Variants in CDO1 observed in about 807,000 individuals in gnomAD.
CDO1 encodes the protein cysteine dioxygenase type 1.
A neutral mutation model predicts 24.5 loss-of-function variants in CDO1; 19 were observed. The ratio of observed to expected loss-of-function variants is 0.77; its 90% CI spans 0.54 to 1.14. CDO1 has a LOEUF of 1.14. CDO1 is among the 50% of genes most tolerant of loss of function. CDO1 has a pLI of 0.00. For missense variants in CDO1, 244 were observed against 244.8 expected (o/e 1.00, Z 0.02); for synonymous variants, 91 against 87.0 (o/e 1.05, Z -0.26).
intron 1 of CDO1, chr5:115,813,774 C>A (rs1263858560): frequency 6.5e-6 from 1 of 153,534 alleles, no homozygotes; most frequent in Non-Finnish European, 1.4e-5. Flanking sequence ...TCCACAAATA[C>A]CGTGGGGGCT....
rs149802065 is a variant in CDO1 at position 115,816,546 on chromosome 5, A to G, written c.-149T>C. 1.1e-3 allele frequency: 895 copies of G among 833,114 alleles called. No individual in the cohort carries two copies. Among genetic ancestry groups the G allele is most frequent in the Middle Eastern group, 2.5e-3 (7 of 2,746 alleles). The allele number at this position is 833,114 out of a possible 1,614,324, so 51.6% of individuals were successfully genotyped here. A position where few individuals can be genotyped will look rare whatever the true frequency, so the allele number is the denominator to read the frequency against. Reference sequence around the variant, plus strand: ...ACAAACCCAGCATTAGAGTGCCGAAACGTAAGGATGTCGTCGCAGAGACAG... The same window carrying G: ...ACAAACCCAGCATTAGAGTGCCGAAGCGTAAGGATGTCGTCGCAGAGACAG... On this transcript the variant is annotated 5_prime_UTR_variant, in exon 1 of 5. Coordinates refer to ENST00000250535, the MANE Select transcript of CDO1 (RefSeq NM_001801.3).
rs1410742674 is a variant in CDO1 at position 115,813,256 on chromosome 5, T to C, written c.173A>G (p.Tyr58Cys). 4 of 1,557,898 alleles carry C rather than the reference T, an allele frequency of 2.6e-6. No individual in the cohort carries two copies. The highest frequency in any genetic ancestry group is 3.5e-6 in the Non-Finnish European group (4 of 1,130,490). The change falls in exon 2 of 5, where the codon TAT becomes TGT. Residue 58 changes from tyrosine (Y) to cysteine (C), a missense_variant and splice_region_variant. Coordinates refer to ENST00000250535, the MANE Select transcript of CDO1 (RefSeq NM_001801.3). Reference protein sequence around the residue: ...AMYAKFDQYRYTRNLVDQGNG... With the variant: ...AMYAKFDQYRCTRNLVDQGNG... The stretch of plus-strand genomic sequence containing the variant: ...TCCTTGATCCACAAGATTTCGGGTA[T>C]ACCTAAAAAAAAACAATATATTCAG...
At chr5:115,816,105 G>A in intron 1 of CDO1, 123 bp downstream of exon 1, 2 of 967,576 alleles carry the variant, frequency 2.1e-6, no homozygotes, top group Non-Finnish European at 3.0e-6. Context: ...GAGGGGGCGA[G>A]CGGCGGACGC....
chr5:115,806,533 G>A lies in CDO1; in HGVS notation c.404-15C>T. On this transcript the variant is annotated splice_polypyrimidine_tract_variant and intron_variant, in intron 3 of 4. Transcript: ENST00000250535. ...GCCAATGGAATCTAAACAATATCCGGGAAGGAAAAATAGATAAAGGAGCCT... is the reference window on the plus strand; with the variant it reads ...GCCAATGGAATCTAAACAATATCCGAGAAGGAAAAATAGATAAAGGAGCCT... 1 of 1,594,002 alleles carries A rather than the reference G, an allele frequency of 6.3e-7. No individual in the cohort carries two copies. Among genetic ancestry groups the A allele is most frequent in the Admixed American group, 1.8e-5 (1 of 54,804 alleles).
intron 2 of CDO1, among the ~76,000 whole-genome samples, chr5:115,811,994 G>A (rs1760208347): frequency 6.6e-6 from 1 of 152,168 alleles, no homozygotes; most frequent in Admixed American, 6.5e-5. Context: ...TAGTATTTAA[G>A]TATATGAAGC....
Position 115,816,593 on chromosome 5 carries a change from C to T in CDO1, c.-196G>A, listed in dbSNP as rs1354555792. ...ACAGCAAGAGACCCACCCCCAGGCC[C>T]CTGGCAGCGCAGTGGATCCGGGATC... On this transcript the variant is annotated 5_prime_UTR_variant, in exon 1 of 5. Coordinates refer to ENST00000250535, the MANE Select transcript of CDO1 (RefSeq NM_001801.3). The T allele has an allele frequency of 1.7e-6, 1 of 603,602 alleles. No homozygotes were observed. The highest frequency in any genetic ancestry group is 2.9e-5 in the East Asian group (1 of 35,048). 37.4% of individuals were successfully genotyped at this position (603,602 alleles called of 1,614,324 possible). A position where few individuals can be genotyped will look rare whatever the true frequency, so the allele number is the denominator to read the frequency against.
chr5:115,814,474 G>C (rs1358500631), intron 1 of CDO1: 1 of 152,160 alleles, frequency 6.6e-6, no homozygotes, highest in Non-Finnish European at 1.5e-5. Context: ...ATCCTTCACA[G>C]CGCTAGGCAC....
chr5:115,814,970 C>T (rs1487989308), intron 1 of CDO1, among the ~76,000 whole-genome samples: 1 of 152,154 alleles, frequency 6.6e-6, no homozygotes, highest in Non-Finnish European at 1.5e-5. Context: ...CAGAAGGGCT[C>T]TACCATGAAC....
At chr5:115,810,720 G>A (rs915934762) in intron 3 of CDO1, among the ~76,000 whole-genome samples, 3 of 152,236 alleles carry the variant, frequency 2.0e-5, no homozygotes, top group Non-Finnish European at 2.9e-5. Flanking sequence ...CCAATAACGT[G>A]CTTTGTAAAA....
At chr5:115,805,505 C>T in intron 4 of CDO1, 43 bp from the exon 5 acceptor site, 3 of 1,595,662 alleles carry the variant, frequency 1.9e-6, no homozygotes, top group Non-Finnish European at 2.6e-6. Context: ...AGAAACTTTA[C>T]AAAAGACATT....
chr5:115,806,441 A>G lies in CDO1; in HGVS notation c.481T>C (p.Phe161Leu), dbSNP rs1268229461. Residue 161 changes from phenylalanine (F) to leucine (L), a missense_variant, in exon 4 of 5, where the codon TTT (phenylalanine) becomes CTT (leucine). Physicochemically the swap from Phe to Leu is conservative, Grantham distance 22 (BLOSUM62 0). Coordinates refer to ENST00000250535, the MANE Select transcript of CDO1 (RefSeq NM_001801.3). ...AVSLHLYSPPFDTCHAFDQRT... is the reference protein window; with the variant it reads ...AVSLHLYSPPLDTCHAFDQRT... ...TGATCAAAGGCATGGCATGTATCAAAAGGTGGACTGTACAAGTGAAGGCTC... is the reference window on the plus strand; with the variant it reads ...TGATCAAAGGCATGGCATGTATCAAGAGGTGGACTGTACAAGTGAAGGCTC... 1 of 1,612,804 alleles carries G rather than the reference A, an allele frequency of 6.2e-7. No individual in the cohort carries two copies. The highest frequency in any genetic ancestry group is 2.2e-5 in the East Asian group (1 of 44,804).
Position 115,816,269 on chromosome 5 carries a change from G to T in CDO1, c.129C>A (p.Asp43Glu). The change falls in exon 1 of 5, where the codon GAC becomes GAA. Residue 43 changes from aspartate to glutamate, a missense_variant. By Grantham distance (45) the Asp-to-Glu change is conservative (BLOSUM62 2). Transcript: ENST00000250535. ...TGGCGTACATTGCCCACTCGGTGGG[G>T]TCGCTCTCGTAGGCTTCCATGATGG... Reference protein sequence around the residue: ...VQAIMEAYESDPTEWAMYAKF... With the variant: ...VQAIMEAYESEPTEWAMYAKF... 1.2e-6 allele frequency: 2 copies of T among 1,614,202 alleles called. No individual in the cohort carries two copies. Among genetic ancestry groups the T allele is most frequent in the East Asian group, 2.2e-5 (1 of 44,872 alleles).
intron 2 of CDO1, 21 bp downstream of exon 2, chr5:115,813,160 G>A: frequency 7.3e-7 from 1 of 1,379,134 alleles, no homozygotes; most frequent in Admixed American, 1.7e-5. Context: ...ATAAATATCT[G>A]TGAATGAATA....
intron 3 of CDO1, 55 bp from the exon 4 acceptor site, chr5:115,806,573 G>A: frequency 7.4e-7 from 1 of 1,344,204 alleles, no homozygotes; most frequent in Admixed American, 2.2e-5. Flanking sequence ...AACAGCTGTA[G>A]GTAAAATCTC....
intron 2 of CDO1, 72 bp from the exon 3 acceptor site, chr5:115,811,387 C>G (rs1580542165): frequency 9.2e-7 from 1 of 1,089,562 alleles, no homozygotes; most frequent in East Asian, 2.4e-5. Context: ...ACAGTCTTCC[C>G]AGAACTGACA....
chr5:115,815,542 G>T (rs960662453), intron 1 of CDO1, among the ~76,000 whole-genome samples: 10 of 152,204 alleles, frequency 6.6e-5, no homozygotes. Flanking sequence ...CCACAGTCGG[G>T]GAAGTTAGTT....
rs1432325927 is a variant in CDO1, at chr5:115,805,342, T to C, written c.*91A>G. ...ATCTAAGTATTGGCTTATTTAAGTA[T>C]ATTACTGGATAGCACGTGGTAGGTA... On this transcript the variant is annotated 3_prime_UTR_variant, in exon 5 of 5. Transcript: ENST00000250535. The C allele has an allele frequency of 1.9e-6, 2 of 1,071,556 alleles. No homozygotes were observed. 66.4% of individuals were successfully genotyped at this position (1,071,556 alleles called of 1,614,324 possible).
chr5:115,815,483 G>A (rs188608357), intron 1 of CDO1, among the ~76,000 whole-genome samples: 1 of 152,264 alleles, frequency 6.6e-6, no homozygotes, highest in African/African-American at 2.4e-5. Flanking sequence ...TGAAAAAAAC[G>A]ACGGTCGAAT....
intron 1 of CDO1, among the ~76,000 whole-genome samples, chr5:115,813,620 T>A (rs1337315425): frequency 7.7e-6 from 1 of 129,842 alleles, no homozygotes; most frequent in Admixed American, 8.1e-5. Context: ...AATGTTGCTA[T>A]TGTTTTTTTT....
Sources: allele counts gnomAD v4.1 joint callset (sites outside exome capture counted in the v4.1 genomes callset), GRCh38; gene constraint gnomAD v4.1.1; transcripts MANE v1.5; gene names NCBI Gene and HGNC (gene_info 2026-07-23, HGNC 2026-07-21).